The following ZFP92 variants were observed in gnomAD, a reference collection of about 807,000 sequenced individuals.
ZFP92 encodes zinc finger protein 92 homolog.
Under a neutral mutation model 7.6 loss-of-function variants are expected in ZFP92, and 2 were observed. The observed-to-expected ratio is 0.26, with a 90% CI of 0.11 to 0.83. The LOEUF (loss-of-function observed/expected upper bound fraction) is 0.83, where lower values mean the gene tolerates loss of function less well. ZFP92 is among the 40% of genes least tolerant of loss of function. The probability of loss-of-function intolerance (pLI) is 0.65; values close to 1 mark genes in which losing one functional copy is unlikely to be tolerated. For missense variants in ZFP92, 324 were observed against 408.3 expected (o/e 0.79, Z 1.78); for synonymous variants, 226 against 183.6 (o/e 1.23, Z -1.87).
At chrX:153,415,729 G>C (rs782051189) in intron 2 of ZFP92, among the ~76,000 whole-genome samples, 2 of 110,898 alleles carry the variant, frequency 1.8e-5, no homozygotes, top group East Asian at 5.7e-4. Flanking sequence ...TTTTGTGTCA[G>C]CTTTTCTCTC....
rs1177107024 is a variant in ZFP92, at chrX:153,419,610, G to A, written c.161-618G>A. Among the ~76,000 whole-genome samples the A allele has an allele frequency of 3.4e-4, 38 of 112,345 alleles. 1 individual carries two copies. Among genetic ancestry groups the A allele is most frequent in the Non-Finnish European group, 5.6e-5 (3 of 53,126 alleles). ...AGACACTCCACTTCCCAGTGGAAAT[G>A]GAAACACTCCACTTCCCCTTGCCGC... On this transcript the variant is annotated intron_variant, in intron 4 of 5. Coordinates refer to ENST00000338647, the MANE Select transcript of ZFP92 (RefSeq NM_001136273.2).
chrX:153,421,091 C>T lies in ZFP92; in HGVS notation c.714C>T (p.Cys238=), dbSNP rs782336919. Reference sequence around the variant, plus strand: ...ACAGCGGCGAGCGGCCCTTCGCCTGCGGCGACTGCGGCAAACTGTTCCGCC... The same window carrying T: ...ACAGCGGCGAGCGGCCCTTCGCCTGTGGCGACTGCGGCAAACTGTTCCGCC... ...VIHSGERPFA[C]GDCGKLFRRS... Residue 238 remains cysteine (C), a synonymous_variant, in exon 6 of 6, where the codon TGC becomes TGT. Coordinates refer to ENST00000338647, the MANE Select transcript of ZFP92 (RefSeq NM_001136273.2). The T allele has an allele frequency of 4.7e-5, 55 of 1,177,991 alleles. No homozygotes were observed. Among genetic ancestry groups the T allele is most frequent in the Non-Finnish European group, 5.9e-5 (52 of 878,897 alleles).
chrX:153,422,168 G>A lies in ZFP92; in HGVS notation c.*540G>A, dbSNP rs1222350501. 1 of 111,883 alleles carries A rather than the reference G, an allele frequency of 8.9e-6. No individual in the cohort carries two copies. The highest frequency in any genetic ancestry group is 3.2e-5 in the African/African-American group (1 of 30,788). 9.2% of individuals were successfully genotyped at this position (111,883 alleles called of 1,213,427 possible). On this transcript the variant is annotated 3_prime_UTR_variant, in exon 6 of 6. Coordinates refer to ENST00000338647, the MANE Select transcript of ZFP92 (RefSeq NM_001136273.2). Reference sequence around the variant, plus strand: ...GTTCCCCTCGCCCTAAGAGTTGTTAGTGTTCCCAAGTAGAAGATACTGAAA... The same window carrying A: ...GTTCCCCTCGCCCTAAGAGTTGTTAATGTTCCCAAGTAGAAGATACTGAAA...
At position 153,423,969 on chromosome X, in the gene ZFP92, G is replaced by A. The variant is rs782231268; in HGVS notation, c.*2341G>A. On this transcript the variant is annotated 3_prime_UTR_variant, in exon 6 of 6. Coordinates refer to ENST00000338647, the MANE Select transcript of ZFP92 (RefSeq NM_001136273.2). ...TCCACGCACTCTGATACCCATTTCC[G>A]TTGTTCTAGGAGGTAAATGATTTCG... is the stretch of plus-strand genomic sequence containing the variant. 8.9e-5 allele frequency: 10 copies of A among 112,892 alleles called. No individual in the cohort carries two copies. The highest frequency in any genetic ancestry group is 3.6e-4 in the South Asian group (1 of 2,789). 9.3% of individuals were successfully genotyped at this position (112,892 alleles called of 1,213,427 possible).
rs1430727259 is a variant in ZFP92 at position 153,421,844 on chromosome X, C to A, written c.*216C>A. ...CTCAGAACCGAGGACTGCCGCCTGC[C>A]CTGGCTCCTCCATCAACGGCAGTGC... On this transcript the variant is annotated 3_prime_UTR_variant, in exon 6 of 6. Coordinates refer to ENST00000338647, the MANE Select transcript of ZFP92 (RefSeq NM_001136273.2). The A allele has an allele frequency of 1.4e-5, 5 of 359,193 alleles. No individual in the cohort carries two copies. The highest frequency in any genetic ancestry group is 2.0e-5 in the Non-Finnish European group (5 of 247,683). 29.6% of individuals were successfully genotyped at this position (359,193 alleles called of 1,213,427 possible). A position where few individuals can be genotyped will look rare whatever the true frequency, so the allele number is the denominator to read the frequency against.
chrX:153,419,488 G>A (rs938889554), intron 4 of ZFP92, among the ~76,000 whole-genome samples: 2 of 112,812 alleles, frequency 1.8e-5, no homozygotes, highest in African/African-American at 6.4e-5. Context: ...CCCACCTCAC[G>A]CAGCTGATGA....
Position 153,425,758 on chromosome X carries a change from G to A in ZFP92, c.*4130G>A, listed in dbSNP as rs957351939. On this transcript the variant is annotated 3_prime_UTR_variant, in exon 6 of 6. Transcript: ENST00000338647. ...ATGGGACTCGCAGCTGGTTCCATCCGATGCCAGCCCCAGTGCATCTATCAC... is the reference window on the plus strand; with the variant it reads ...ATGGGACTCGCAGCTGGTTCCATCCAATGCCAGCCCCAGTGCATCTATCAC... The A allele has an allele frequency of 7.2e-5, 8 of 111,441 alleles. No individual in the cohort carries two copies. Among genetic ancestry groups the A allele is most frequent in the Non-Finnish European group, 1.1e-4 (6 of 53,034 alleles). 9.2% of individuals were successfully genotyped at this position (111,441 alleles called of 1,213,427 possible).
At chrX:153,420,365 G>A (rs1183596620) in intron 5 of ZFP92, 33 bp downstream of exon 5, 24 of 1,115,069 alleles carry the variant, frequency 2.2e-5, no homozygotes, top group Non-Finnish European at 2.8e-5. Flanking sequence ...GCTCCCCATC[G>A]GGGTAAAAAG....
In ZFP92 at chrX:153,420,341, G is replaced by A; in HGVS notation, c.265+9G>A. On this transcript the variant is annotated intron_variant, in intron 5 of 5. Coordinates refer to ENST00000338647, the MANE Select transcript of ZFP92 (RefSeq NM_001136273.2). Reference sequence around the variant, plus strand: ...CGCAGGATTGCACATAGGTGAGTGAGAGGTGCTCAACCAGCTCCCCATCGG... The same window carrying A: ...CGCAGGATTGCACATAGGTGAGTGAAAGGTGCTCAACCAGCTCCCCATCGG... The A allele has an allele frequency of 8.7e-7, 1 of 1,152,196 alleles. No homozygotes were observed. Among genetic ancestry groups the A allele is most frequent in the Non-Finnish European group, 1.2e-6 (1 of 861,712 alleles). 95.0% of individuals were successfully genotyped at this position (1,152,196 alleles called of 1,213,427 possible).
rs1437306838 is a variant in ZFP92, at chrX:153,425,378, A to C, written c.*3750A>C. On this transcript the variant is annotated 3_prime_UTR_variant, in exon 6 of 6. Coordinates refer to ENST00000338647, the MANE Select transcript of ZFP92 (RefSeq NM_001136273.2). ...TGTGTTCAGGGAAGCTTAGAAGGGC[A>C]GAGAGGTTTCAGTAGGACATGTATG... 1 of 111,705 alleles carries C rather than the reference A, an allele frequency of 9.0e-6. No individual in the cohort carries two copies. The highest frequency in any genetic ancestry group is 1.9e-5 in the Non-Finnish European group (1 of 53,134). The allele number at this position is 111,705 out of a possible 1,213,427, so 9.2% of individuals were successfully genotyped here.
rs1470225986 is a variant in ZFP92 at position 153,420,987 on chromosome X, G to A, written c.610G>A (p.Gly204Ser). The A allele has an allele frequency of 6.7e-6, 8 of 1,199,762 alleles. No homozygotes were observed. The highest frequency in any genetic ancestry group is 1.8e-5 in the South Asian group (1 of 55,543). ...CCTGGAGCACCAGCGCATCCACAGC[G>A]GCGAGAAGCCCTACGCCTGCCCCGA... ...ALLEHQRIHSGEKPYACPECS... is the reference protein window; with the variant it reads ...ALLEHQRIHSSEKPYACPECS... The change falls in exon 6 of 6, where the codon GGC becomes AGC. Residue 204 changes from glycine (G) to serine (S), a missense_variant. By Grantham distance (56) the Gly-to-Ser change is moderately conservative. Coordinates refer to ENST00000338647, the MANE Select transcript of ZFP92 (RefSeq NM_001136273.2).
chrX:153,414,495 G>A (rs782801545), intron 2 of ZFP92, among the ~76,000 whole-genome samples: 1 of 110,647 alleles, frequency 9.0e-6, no homozygotes, highest in African/African-American at 3.3e-5. Context: ...CTACAGACAC[G>A]CGCCACCACA....
chrX:153,418,312 GC>G lies in ZFP92; in HGVS notation c.-10del. The G allele has an allele frequency of 8.6e-7, 1 of 1,167,551 alleles. No individual in the cohort carries two copies. The highest frequency in any genetic ancestry group is 2.6e-5 in the Admixed American group (1 of 38,739). On this transcript the variant is annotated 5_prime_UTR_variant, in exon 3 of 6. Transcript: ENST00000338647. ...TCTTTGCATTTCCCTTAGCTCCTCT[GC>G]GCCCTGGTGATGGCAGCCATTCTCC...
intron 4 of ZFP92, among the ~76,000 whole-genome samples, chrX:153,419,270 C>T: frequency 8.9e-6 from 1 of 112,696 alleles, no homozygotes; most frequent in Non-Finnish European, 1.9e-5. Context: ...GGATTTCAAG[C>T]CTTGAGAAGT....
Position 153,425,599 on chromosome X carries a change from TAA to T in ZFP92, c.*3972_*3973del, listed in dbSNP as rs1172276162. 8.9e-6 allele frequency: 1 copy of T among 112,059 alleles called. No individual in the cohort carries two copies. Among genetic ancestry groups the T allele is most frequent in the African/African-American group, 3.2e-5 (1 of 30,820 alleles). The allele number at this position is 112,059 out of a possible 1,213,427, so 9.2% of individuals were successfully genotyped here. A position where few individuals can be genotyped will look rare whatever the true frequency, so the allele number is the denominator to read the frequency against. ...TACACACTGACCACCACAAATTTTA[TAA>T]CTGTAGTCGTCTCGATGGTTGTGAT... is the stretch of plus-strand genomic sequence containing the variant. On this transcript the variant is annotated 3_prime_UTR_variant, in exon 6 of 6. Coordinates refer to ENST00000338647, the MANE Select transcript of ZFP92 (RefSeq NM_001136273.2).
rs1032773123 is a variant in ZFP92, at chrX:153,424,410, G to A, written c.*2782G>A. On this transcript the variant is annotated 3_prime_UTR_variant, in exon 6 of 6. Coordinates refer to ENST00000338647, the MANE Select transcript of ZFP92 (RefSeq NM_001136273.2). ...GTTAGGTATGCCACGTGAGCTGAAC[G>A]GGTTTCACATGGAATCAAAGTCAGA... 3.6e-5 allele frequency: 4 copies of A among 112,294 alleles called. No homozygotes were observed. Among genetic ancestry groups the A allele is most frequent in the African/African-American group, 1.3e-4 (4 of 30,915 alleles). The allele number at this position is 112,294 out of a possible 1,213,427, so 9.3% of individuals were successfully genotyped here. A position where few individuals can be genotyped will look rare whatever the true frequency, so the allele number is the denominator to read the frequency against.
intron 2 of ZFP92, among the ~76,000 whole-genome samples, chrX:153,417,404 TTCAGAGA>T (rs1556973973): frequency 1.8e-5 from 2 of 112,082 alleles, no homozygotes; most frequent in Non-Finnish European, 3.8e-5. Context: ...ATGTCACCCC[TTCAGAGA>T]GCACCCCCAC....
At chrX:153,420,467 C>T in intron 5 of ZFP92, 135 bp downstream of exon 5, 1 of 891,380 alleles carries the variant, frequency 1.1e-6, no homozygotes, top group South Asian at 2.6e-5. Context: ...CCAGGTGTCA[C>T]AGCAGCCCCG....
Position 153,420,321 on chromosome X carries a change from G to A in ZFP92, c.254G>A (p.Gly85Glu), listed in dbSNP as rs782274245. ...ADIPRTWATA[G>E]LHIGDRTQSK... is the part of the protein sequence containing the mutation. ...ATCCCCAGAACCTGGGCCACCGCAG[G>A]ATTGCACATAGGTGAGTGAGAGGTG... The change falls in exon 5 of 6, where the codon GGA becomes GAA. Residue 85 changes from glycine to glutamate, a missense_variant. By Grantham distance (98) the Gly-to-Glu change is moderately conservative. Coordinates refer to ENST00000338647, the MANE Select transcript of ZFP92 (RefSeq NM_001136273.2). The A allele has an allele frequency of 6.9e-6, 8 of 1,163,296 alleles. No individual in the cohort carries two copies. In the African/African-American group the frequency reaches 1.1e-4, roughly 16 times the overall value.
Sources: allele counts gnomAD v4.1 joint callset (sites outside exome capture counted in the v4.1 genomes callset), GRCh38; gene constraint gnomAD v4.1.1; transcripts MANE v1.5; gene names NCBI Gene and HGNC (gene_info 2026-07-23, HGNC 2026-07-21).